The following ELAC2 variants were observed in gnomAD, a reference collection of about 807,000 sequenced individuals.
ELAC2 encodes zinc phosphodiesterase ELAC protein 2.
Under a neutral mutation model 105.2 loss-of-function variants are expected in ELAC2, and 92 were observed. The observed-to-expected ratio is 0.87, with a 90% CI of 0.74 to 1.04. The LOEUF (loss-of-function observed/expected upper bound fraction) is 1.04, where lower values mean the gene tolerates loss of function less well. Ranked by LOEUF, ELAC2 falls within the 50% of genes least tolerant of loss-of-function variation. The pLI is 0.00. For missense variants in ELAC2, 1,099 were observed against 1,071.7 expected (o/e 1.03, Z -0.36); for synonymous variants, 468 against 409.1 (o/e 1.14, Z -1.74).
At chr17:13,009,914 G>C (rs1290848475) in intron 8 of ELAC2, among the ~76,000 whole-genome samples, 1 of 150,764 alleles carries the variant, frequency 6.6e-6, no homozygotes, top group African/African-American at 2.4e-5. Flanking sequence ...ACTTGAACCT[G>C]GGAGGTGGAG....
At chr17:13,011,069 C>A (rs994822643) in intron 7 of ELAC2, among the ~76,000 whole-genome samples, 1 of 152,226 alleles carries the variant, frequency 6.6e-6, no homozygotes, top group Non-Finnish European at 1.5e-5. Flanking sequence ...CCGGTGCCAT[C>A]CAAACAAGGA....
At position 13,002,307 on chromosome 17, in the gene ELAC2, T is replaced by G; in HGVS notation, c.1271A>C (p.Lys424Thr). 1 of 1,614,196 alleles carries G rather than the reference T, an allele frequency of 6.2e-7. No homozygotes were observed. Among genetic ancestry groups the G allele is most frequent in the Non-Finnish European group, 8.5e-7 (1 of 1,180,038 alleles). ...CTCCCTCCTGGGACGGAGCTGGTAC[T>G]TGAGGAGGCATTCACCCTGAACCAT... is the stretch of plus-strand genomic sequence containing the variant. ...VPMVQGECLLKYQLRPRREWQ... is the reference protein window; with the variant it reads ...VPMVQGECLLTYQLRPRREWQ... The change falls in exon 14 of 24, where the codon AAG (lysine) becomes ACG (threonine). Residue 424 changes from lysine to threonine, a missense_variant. Transcript: ENST00000338034.
intron 15 of ELAC2, 89 bp from the exon 16 acceptor site, chr17:12,998,597 T>C (rs946791583): frequency 8.0e-7 from 1 of 1,254,324 alleles, no homozygotes; most frequent in Non-Finnish European, 1.2e-6. Flanking sequence ...GGTTTGAGTG[T>C]CATTGGTTTG....
intron 8 of ELAC2, among the ~76,000 whole-genome samples, chr17:13,009,771 A>C (rs920613274): frequency 3.9e-5 from 6 of 152,168 alleles, no homozygotes; most frequent in Non-Finnish European, 5.9e-5. Context: ...TGGGTGGATC[A>C]CCTGAGGTCA....
In ELAC2 at chr17:13,005,789, G is replaced by A. The variant is rs138869157; in HGVS notation, c.834C>T (p.Val278=). 14 of 1,613,992 alleles carry A rather than the reference G, an allele frequency of 8.7e-6. No individual in the cohort carries two copies. In the African/African-American group the frequency reaches 1.3e-4, roughly 15 times the overall value. ...CATGAGTGATGCTTTTCCCGTCCTTGACAGCAGCAATGATGGGAGCGATGG... is the reference window on the plus strand; with the variant it reads ...CATGAGTGATGCTTTTCCCGTCCTTAACAGCAGCAATGATGGGAGCGATGG... ...TAAIAPIIAA[V]KDGKSITHEG... Residue 278 remains valine (V), a synonymous_variant, in exon 10 of 24, where the codon GTC becomes GTT. Coordinates refer to ENST00000338034, the MANE Select transcript of ELAC2 (RefSeq NM_018127.7).
chr17:13,008,401 A>G (rs1366781082), intron 8 of ELAC2, among the ~76,000 whole-genome samples: 1 of 151,322 alleles, frequency 6.6e-6, no homozygotes, highest in Non-Finnish European at 1.5e-5. Flanking sequence ...AGTCCCAGCT[A>G]CTCGGGAGGC....
chr17:13,007,406 A>G (rs965917527), intron 8 of ELAC2, among the ~76,000 whole-genome samples: 4 of 152,214 alleles, frequency 2.6e-5, no homozygotes, highest in Admixed American at 6.5e-5. Context: ...AGGGTTGTAG[A>G]ATTTTCCATC....
intron 5 of ELAC2, 94 bp downstream of exon 5, chr17:13,014,345 T>C: frequency 2.2e-6 from 2 of 915,694 alleles, no homozygotes; most frequent in Admixed American, 3.5e-5. Context: ...GATTTTGAGG[T>C]TTGATGTTGA....
intron 15 of ELAC2, among the ~76,000 whole-genome samples, chr17:12,999,783 C>T (rs2040674988): frequency 1.3e-5 from 2 of 152,158 alleles, no homozygotes; most frequent in Non-Finnish European, 2.9e-5. Flanking sequence ...CTCAGTCTCC[C>T]GAGTAGCTGG....
chr17:13,009,850 G>A (rs1044391286), intron 8 of ELAC2, among the ~76,000 whole-genome samples: 2 of 152,126 alleles, frequency 1.3e-5, no homozygotes, highest in Admixed American at 1.3e-4. Flanking sequence ...TTAACTGGGT[G>A]TGGTGGCGCG....
chr17:13,016,946 A>C lies in ELAC2; in HGVS notation c.297-14T>G, dbSNP rs376065941. 3.1e-6 allele frequency: 5 copies of C among 1,613,754 alleles called. No individual in the cohort carries two copies. In the African/African-American group the frequency reaches 4.0e-5, roughly 13 times the overall value. ...GCAACCTTTAACCTAAGAATGAAAA[A>C]ACATTTAAACAGGATAACATGAACA... On this transcript the variant is annotated splice_polypyrimidine_tract_variant and intron_variant, in intron 2 of 23. Coordinates refer to ENST00000338034, the MANE Select transcript of ELAC2 (RefSeq NM_018127.7).
intron 4 of ELAC2, among the ~76,000 whole-genome samples, chr17:13,015,029 G>A (rs2041643327): frequency 6.6e-6 from 1 of 152,198 alleles, no homozygotes. Context: ...GTAGCGGCCG[G>A]GGCCTACAGG....
At chr17:12,998,545 G>C (rs769952965) in intron 15 of ELAC2, 37 bp from the exon 16 acceptor site, 2 of 1,583,076 alleles carry the variant, frequency 1.3e-6, no homozygotes, top group East Asian at 4.5e-5. Flanking sequence ...CCATTCCTTT[G>C]GGTCAAAAGT....
rs372663216 is a variant in ELAC2 at position 13,000,174 on chromosome 17, C to T, written c.1405G>A (p.Asp469Asn). The T allele has an allele frequency of 1.5e-5, 25 of 1,613,662 alleles. No homozygotes were observed. The highest frequency in any genetic ancestry group is 2.1e-5 in the Non-Finnish European group (25 of 1,180,042). ...CACTCACCTGCTGGGGCTGGGCCGT[C>T]CTGCGCACTCCTCCTGTACTCCTGC... ...SVQEYRRSAQ[D>N]GPAPAEKRSQ... Residue 469 changes from aspartate to asparagine, a missense_variant, in exon 15 of 24, where the codon GAC (aspartate) becomes AAC (asparagine). Asp to Asn is a conservative substitution (Grantham distance 23). Coordinates refer to ENST00000338034, the MANE Select transcript of ELAC2 (RefSeq NM_018127.7).
At chr17:13,000,123 G>T in intron 15 of ELAC2, 33 bp downstream of exon 15, 1 of 1,592,652 alleles carries the variant, frequency 6.3e-7, no homozygotes. Flanking sequence ...CAGAGCCCAG[G>T]AAAGAAAGGC....
chr17:13,002,455 T>C lies in ELAC2; in HGVS notation c.1204A>G (p.Ser402Gly). ...IHPDIFPLLT[S>G]FRCKKEGPTL... Reference sequence around the variant, plus strand: ...TGAGACACTACCTTACAGCGGAAACTGGTGAGCAGGGGGAAGATGTCCGGG... The same window carrying C: ...TGAGACACTACCTTACAGCGGAAACCGGTGAGCAGGGGGAAGATGTCCGGG... The change falls in exon 13 of 24, where the codon AGT becomes GGT. Residue 402 changes from serine (S) to glycine (G), a missense_variant. Transcript: ENST00000338034. The C allele has an allele frequency of 6.2e-7, 1 of 1,612,274 alleles. No individual in the cohort carries two copies. The highest frequency in any genetic ancestry group is 1.3e-5 in the African/African-American group (1 of 75,004).
Position 13,017,720 on chromosome 17 carries a change from G to A in ELAC2, c.228C>T (p.Val76=), listed in dbSNP as rs762444215. 4 of 1,612,878 alleles carry A rather than the reference G, an allele frequency of 2.5e-6. No homozygotes were observed. The highest frequency in any genetic ancestry group is 2.2e-5 in the East Asian group (1 of 44,884). ...GSRDSGAALY[V]FSEFNRYLFN... ...TGACTGACCGGTTGAACTCGGAGAA[G>A]ACGTAGAGCGCGGCGCCCGAGTCCC... Residue 76 remains valine (V), a synonymous_variant, in exon 1 of 24, where the codon GTC becomes GTT. Transcript: ENST00000338034.
intron 1 of ELAC2, 57 bp from the exon 2 acceptor site, chr17:13,017,178 A>G: frequency 6.9e-7 from 1 of 1,454,828 alleles, no homozygotes; most frequent in South Asian, 1.1e-5. Context: ...AAACTCTCTG[A>G]CACCAATTAG....
rs2040478814 is a variant in ELAC2, at chr17:12,996,543, T to C, written c.1659+4A>G. On this transcript the variant is annotated splice_donor_region_variant and intron_variant, in intron 17 of 23. Coordinates refer to ENST00000338034, the MANE Select transcript of ELAC2 (RefSeq NM_018127.7). The stretch of plus-strand genomic sequence containing the variant: ...CCAGCTTTGTGGTCCAGCCCAACAC[T>C]CACCGTGTGGTGATCTGCGTGCAGG... 6.2e-7 allele frequency: 1 copy of C among 1,613,768 alleles called. No individual in the cohort carries two copies. The highest frequency in any genetic ancestry group is 2.2e-5 in the East Asian group (1 of 44,874).
Sources: allele counts gnomAD v4.1 joint callset (sites outside exome capture counted in the v4.1 genomes callset), GRCh38; gene constraint gnomAD v4.1.1; transcripts MANE v1.5; gene names NCBI Gene and HGNC (gene_info 2026-07-23, HGNC 2026-07-21).